The following GLI3 variants were observed in gnomAD, a reference collection of about 807,000 sequenced individuals.
The protein encoded by GLI3 is transcription activator GLI3.
Under a neutral mutation model 100.8 loss-of-function variants are expected in GLI3, and 20 were observed. The ratio of observed to expected loss-of-function variants is 0.20; its 90% CI spans 0.14 to 0.29. The LOEUF is 0.29. Among genes scored for constraint, GLI3 ranks in the 10% least tolerant of loss-of-function variants. The pLI is 1.00. For synonymous variants in GLI3, 938 were observed against 860.5 expected (o/e 1.09, Z -1.58); for missense variants, 2,040 against 2,128.5 (o/e 0.96, Z 0.82).
chr7:42,011,199 T>C (rs1788603184), intron 10 of GLI3, among the ~76,000 whole-genome samples: 1 of 152,150 alleles, frequency 6.6e-6, no homozygotes, highest in Non-Finnish European at 1.5e-5. Flanking sequence ...AGCAGTGTCA[T>C]AGAGCACTCC....
At chr7:42,072,446 G>A (rs1399765817) in intron 4 of GLI3, among the ~76,000 whole-genome samples, 9 of 152,238 alleles carry the variant, frequency 5.9e-5, no homozygotes, top group African/African-American at 2.2e-4. Context: ...TTTTAAAAAG[G>A]AAGCATGCTT....
intron 4 of GLI3, among the ~76,000 whole-genome samples, chr7:42,075,398 C>T (rs1023953446): frequency 2.6e-5 from 4 of 152,126 alleles, no homozygotes; most frequent in African/African-American, 4.8e-5. Flanking sequence ...TGGGGCAGAT[C>T]CTCATCTGAG....
upstream of GLI3, among the ~76,000 whole-genome samples, chr7:42,240,832 G>T (rs79215943): frequency 3.6e-4 from 55 of 152,182 alleles, no homozygotes; most frequent in African/African-American, 1.3e-3. Flanking sequence ...TGAAGGATAC[G>T]CAAGAGAGAG....
intron 2 of GLI3, among the ~76,000 whole-genome samples, chr7:42,155,451 A>G (rs568642840): frequency 1.4e-4 from 20 of 138,768 alleles, no homozygotes; most frequent in African/African-American, 5.9e-4. Flanking sequence ...AAAAAAAAAA[A>G]AAGAAAGAAA....
At chr7:42,113,032 G>T (rs1282146352) in intron 3 of GLI3, among the ~76,000 whole-genome samples, 2 of 152,072 alleles carry the variant, frequency 1.3e-5, no homozygotes, top group Non-Finnish European at 2.9e-5. Context: ...AATTAGCCGA[G>T]CATGGTGGCA....
chr7:42,263,087 C>T (rs1789162182), intron 1 of GLI3, among the ~76,000 whole-genome samples: 1 of 152,324 alleles, frequency 6.6e-6, no homozygotes, highest in Admixed American at 6.5e-5. Context: ...CACGTGCCAT[C>T]GCCATGGTGA....
rs1789111272 is a variant in GLI3 at position 42,026,317 on chromosome 7, C to T, written c.1124G>A (p.Gly375Glu). The change falls in exon 8 of 15, where the codon GGA (glycine) becomes GAA (glutamate). Residue 375 changes from glycine to glutamate, a missense_variant. Gly to Glu is a moderately conservative substitution (Grantham distance 98). Transcript: ENST00000395925. ...SRQQSLGSAF[G>E]HSPPLIHPAP... ...AGGGTGGATGAGTGGAGGGCTGTGT[C>T]CAAAGGCTGAACCTAAGCTCTGTTG... is the stretch of plus-strand genomic sequence containing the variant. The T allele has an allele frequency of 6.2e-7, 1 of 1,614,094 alleles. No homozygotes were observed. The highest frequency in any genetic ancestry group is 8.5e-7 in the Non-Finnish European group (1 of 1,180,000).
chr7:42,247,465 C>G (rs371278052), intron 1 of GLI3, among the ~76,000 whole-genome samples: 1 of 152,146 alleles, frequency 6.6e-6, no homozygotes, highest in African/African-American at 2.4e-5. Context: ...GCAATTCTTC[C>G]GCAGCTGTAA....
intron 3 of GLI3, among the ~76,000 whole-genome samples, chr7:42,101,205 T>C (rs765588431): frequency 5.3e-5 from 8 of 152,186 alleles, no homozygotes; most frequent in Non-Finnish European, 1.0e-4. Context: ...CCCATCGTCA[T>C]TTTCTGGCTG....
At chr7:42,162,383 G>A (rs566821552) in intron 2 of GLI3, among the ~76,000 whole-genome samples, 3 of 152,328 alleles carry the variant, frequency 2.0e-5, no homozygotes, top group South Asian at 4.1e-4. Flanking sequence ...GGTTTAAGTT[G>A]AGAACACATG....
intron 3 of GLI3, 50 bp downstream of exon 3, chr7:42,148,175 AC>A: frequency 7.4e-7 from 1 of 1,360,504 alleles, no homozygotes; most frequent in Non-Finnish European, 1.0e-6. Flanking sequence ...ACACACACAC[AC>A]AGCCCTCCCC....
At chr7:42,113,518 A>C in intron 3 of GLI3, 1 of 1,142,106 alleles carries the variant, frequency 8.8e-7, no homozygotes, top group Non-Finnish European at 1.3e-6. Flanking sequence ...CCAAAGGGAA[A>C]AAGGGAAAAG....
chr7:42,004,028 T>C (rs1486423676), intron 10 of GLI3, among the ~76,000 whole-genome samples: 1 of 152,176 alleles, frequency 6.6e-6, no homozygotes, highest in Non-Finnish European at 1.5e-5. Context: ...TACCACACAG[T>C]AATCTCTATG....
chr7:42,064,657 A>G (rs1322078677), intron 4 of GLI3, among the ~76,000 whole-genome samples: 1 of 152,210 alleles, frequency 6.6e-6, no homozygotes. Flanking sequence ...CAGCAAAGCC[A>G]TAATCCAGTC....
At chr7:42,005,982 C>G (rs975599388) in intron 10 of GLI3, among the ~76,000 whole-genome samples, 1 of 152,178 alleles carries the variant, frequency 6.6e-6, no homozygotes, top group Non-Finnish European at 1.5e-5. Context: ...GATGTTACAA[C>G]TCTTAGAACC....
At chr7:42,200,395 G>A (rs1475615200) in intron 2 of GLI3, among the ~76,000 whole-genome samples, 4 of 152,224 alleles carry the variant, frequency 2.6e-5, no homozygotes, top group Non-Finnish European at 5.9e-5. Context: ...AAGAGACTTT[G>A]AGGCCTTATC....
chr7:41,984,724 C>T (rs1484846914), intron 10 of GLI3, among the ~76,000 whole-genome samples: 1 of 152,234 alleles, frequency 6.6e-6, no homozygotes, highest in African/African-American at 2.4e-5. Flanking sequence ...GCTCAACCCT[C>T]ACCAGTTTCC....
chr7:41,968,410 AATT>A (rs1291253707), intron 13 of GLI3, among the ~76,000 whole-genome samples: 1 of 152,126 alleles, frequency 6.6e-6, no homozygotes, highest in Admixed American at 6.5e-5. Context: ...GGATGTTAGC[AATT>A]ATTATGATCC....
rs758273867 is a variant in GLI3 at position 41,966,469 on chromosome 7, C to G, written c.2604G>C (p.Ser868=). Residue 868 remains serine, a synonymous_variant, in exon 15 of 15, where the codon TCG becomes TCC. Coordinates refer to ENST00000395925, the MANE Select transcript of GLI3 (RefSeq NM_000168.6). This position sits in a 1 kb window ranked among gnomAD's most constrained non-coding sequence, Gnocchi z 5.8. ...TGGAGCGGCGGCTGGAGAAGCAGGG[C>G]GAGATCCCTGAGGAGCGGCGGCTGC... ...YLSSRRSSGI[S]PCFSSRRSSE... 1.2e-6 allele frequency: 2 copies of G among 1,612,896 alleles called. No individual in the cohort carries two copies.
Sources: allele counts gnomAD v4.1 joint callset (sites outside exome capture counted in the v4.1 genomes callset), GRCh38; gene constraint gnomAD v4.1.1; non-coding constraint Gnocchi (gnomAD v3.1); transcripts MANE v1.5; gene names NCBI Gene and HGNC (gene_info 2026-07-23, HGNC 2026-07-21).